Variants in CCDC171 observed in about 807,000 individuals in gnomAD.
CCDC171 encodes coiled-coil domain containing 171.
In CCDC171, 177 loss-of-function variants were observed where a neutral mutation model predicts 168.2. That is an observed-to-expected ratio of 1.05 (90% CI 0.93 to 1.19). CCDC171 has a LOEUF of 1.19. Ranked by LOEUF, CCDC171 falls within the 50% of genes most tolerant of loss-of-function variation. The pLI, the probability that CCDC171 is intolerant of heterozygous loss-of-function variation, is 0.00. For synonymous variants in CCDC171, 687 were observed against 540.8 expected, an observed-to-expected ratio of 1.27 and a Z score of -3.75; for missense variants, 1,991 against 1,539.0, an observed-to-expected ratio of 1.29 and a Z score of -4.91.
At chr9:15,848,221 G>C (rs2060983230) in intron 22 of CCDC171, among the ~76,000 whole-genome samples, 1 of 151,904 alleles carries the variant, frequency 6.6e-6, no homozygotes, top group Admixed American at 6.6e-5. Flanking sequence ...TCTAAAGAAA[G>C]CTAATTTGAA....
intron 10 of CCDC171, among the ~76,000 whole-genome samples, chr9:15,692,351 C>G (rs1415669540): frequency 7.5e-6 from 1 of 133,724 alleles, no homozygotes; most frequent in Admixed American, 7.9e-5. Context: ...GATGATGGAG[C>G]AAGACTCTGT....
At chr9:15,673,375 G>C (rs767027889) in intron 9 of CCDC171, among the ~76,000 whole-genome samples, 11 of 152,150 alleles carry the variant, frequency 7.2e-5, no homozygotes, top group Admixed American at 4.6e-4. Flanking sequence ...CTGGCCAGAA[G>C]TTCCAACACT....
intron 7 of CCDC171, among the ~76,000 whole-genome samples, chr9:15,638,734 C>G (rs1026344661): frequency 1.3e-5 from 2 of 151,548 alleles, no homozygotes; most frequent in Non-Finnish European, 2.9e-5. Flanking sequence ...TCTTAATCAT[C>G]TTAACATGGA....
chr9:15,786,217 T>A (rs1347563142), intron 21 of CCDC171, among the ~76,000 whole-genome samples: 1 of 152,264 alleles, frequency 6.6e-6, no homozygotes, highest in Middle Eastern at 3.4e-3. Context: ...CTTACATAAA[T>A]GAGAATGTAC....
the CCDC171 span, among the ~76,000 whole-genome samples, chr9:16,073,499 T>C: frequency 6.6e-6 from 1 of 152,258 alleles, no homozygotes; most frequent in Non-Finnish European, 1.5e-5. Context: ...TTAATGTTTG[T>C]TTTGTTCTCT....
At chr9:15,610,009 A>G (rs1441542178) in intron 6 of CCDC171, among the ~76,000 whole-genome samples, 1 of 152,028 alleles carries the variant, frequency 6.6e-6, no homozygotes, top group African/African-American at 2.4e-5. Flanking sequence ...AGATTTTCTC[A>G]ATTTTATATT....
At chr9:15,579,293 C>T (rs1373680397) in intron 4 of CCDC171, among the ~76,000 whole-genome samples, 1 of 152,162 alleles carries the variant, frequency 6.6e-6, no homozygotes, top group Non-Finnish European at 1.5e-5. Flanking sequence ...AGCACTTCTT[C>T]CATGAATAAT....
At chr9:15,872,312 T>G (rs2062074045) in intron 23 of CCDC171, among the ~76,000 whole-genome samples, 2 of 152,090 alleles carry the variant, frequency 1.3e-5, no homozygotes, top group South Asian at 4.1e-4. Context: ...AATAAATCAG[T>G]TTCAAAAGCA....
chr9:15,888,933 G>T (rs1467526096), intron 24 of CCDC171: 1 of 140,302 alleles, frequency 7.1e-6, no homozygotes, highest in African/African-American at 2.6e-5. Flanking sequence ...TATGGTATAT[G>T]CCTCATTTTT....
intron 11 of CCDC171, among the ~76,000 whole-genome samples, chr9:15,710,739 G>C (rs1477953708): frequency 6.6e-6 from 1 of 152,086 alleles, no homozygotes; most frequent in East Asian, 1.9e-4. Flanking sequence ...GAGACTACAG[G>C]TGTGCACCAA....
At chr9:15,635,714 C>G (rs2046149551) in intron 7 of CCDC171, among the ~76,000 whole-genome samples, 1 of 152,168 alleles carries the variant, frequency 6.6e-6, no homozygotes, top group African/African-American at 2.4e-5. Flanking sequence ...AGTGTTGTTT[C>G]CACTCTTTCA....
intron 21 of CCDC171, among the ~76,000 whole-genome samples, chr9:15,831,617 C>A (rs2060237085): frequency 6.6e-6 from 1 of 152,270 alleles, no homozygotes; most frequent in Admixed American, 6.5e-5. Context: ...AAGTGGATTG[C>A]ATGTTAAGCA....
Position 15,784,692 on chromosome 9 carries a change from A to C in CCDC171, c.3265A>C (p.Lys1089Gln), listed in dbSNP as rs538414163. Residue 1089 changes from lysine (K) to glutamine (Q), a missense_variant and splice_region_variant, in exon 21 of 26, where the codon AAG (lysine) becomes CAG (glutamine). Coordinates refer to ENST00000380701, the MANE Select transcript of CCDC171 (RefSeq NM_173550.4). ...AAACCAAACTCTTGGAGAAGCTGTT[A>C]AGGTAAGAGAATAAAGGGATATTTG... is the stretch of plus-strand genomic sequence containing the variant. ...DKNQTLGEAV[K>Q]SLSEAKMELR... 1 of 1,608,728 alleles carries C rather than the reference A, an allele frequency of 6.2e-7. No individual in the cohort carries two copies. The highest frequency in any genetic ancestry group is 2.2e-5 in the East Asian group (1 of 44,788).
intron 3 of CCDC171, among the ~76,000 whole-genome samples, chr9:15,992,116 G>A (rs1832220586): frequency 6.6e-6 from 1 of 152,074 alleles, no homozygotes; most frequent in East Asian, 1.9e-4. Context: ...GCCTGGCAGA[G>A]ACACAACAAA....
intron 21 of CCDC171, among the ~76,000 whole-genome samples, chr9:15,810,747 A>T (rs904653535): frequency 6.6e-6 from 1 of 152,116 alleles, no homozygotes; most frequent in Non-Finnish European, 1.5e-5. Context: ...CTGCCCTGTG[A>T]GTGCTGCGCG....
intron 21 of CCDC171, chr9:15,845,501 A>C (rs951432577): frequency 3.9e-5 from 6 of 152,110 alleles, no homozygotes; most frequent in Non-Finnish European, 7.4e-5. Context: ...AGAGGGAATT[A>C]ATTGGTTTAA....
intron 17 of CCDC171, 35 bp from the exon 18 acceptor site, chr9:15,745,480 G>T (rs773842206): frequency 3.7e-5 from 48 of 1,306,640 alleles, no homozygotes; most frequent in Non-Finnish European, 4.9e-5. Context: ...ATAAAGTTTT[G>T]TAGAATTTTA....
chr9:15,577,494 TC>T (rs2040762759), intron 3 of CCDC171, among the ~76,000 whole-genome samples: 1 of 152,208 alleles, frequency 6.6e-6, no homozygotes. Context: ...ATCACTAGAA[TC>T]CCATTTCTAC....
intron 21 of CCDC171, among the ~76,000 whole-genome samples, chr9:15,844,629 T>A (rs1379342963): frequency 3.3e-5 from 5 of 152,134 alleles, no homozygotes; most frequent in African/African-American, 1.2e-4. Flanking sequence ...TATATCACTT[T>A]GTTTATACCA....
Sources: gnomAD v4.1 joint callset for allele counts (sites outside exome capture counted in the v4.1 genomes callset) on GRCh38, gnomAD v4.1.1 for gene constraint, MANE v1.5 for transcripts, NCBI Gene and HGNC (gene_info 2026-07-23, HGNC 2026-07-21) for gene names.